Variants in LIPC observed in about 807,000 individuals in gnomAD.
LIPC encodes lipase C, hepatic type, also known as hepatic triacylglycerol lipase.
In LIPC, 44 loss-of-function variants were observed where a neutral mutation model predicts 50.7. The ratio of observed to expected loss-of-function variants is 0.87; its 90% CI spans 0.68 to 1.11. The LOEUF is 1.11. Ranked by LOEUF, LIPC falls within the 50% of genes most tolerant of loss-of-function variation. The pLI, the probability that LIPC is intolerant of heterozygous loss-of-function variation, is 0.00. For missense variants in LIPC, 697 were observed against 648.2 expected (o/e 1.08, Z -0.82); for synonymous variants, 271 against 256.4 (o/e 1.06, Z -0.54).
intron 6 of LIPC, among the ~76,000 whole-genome samples, chr15:58,548,779 G>A (rs1317071489): frequency 6.6e-6 from 1 of 152,196 alleles, no homozygotes; most frequent in Admixed American, 6.5e-5. Flanking sequence ...GGGCTAGGAG[G>A]AGAAACCTCG....
intron 1 of LIPC, among the ~76,000 whole-genome samples, chr15:58,534,279 G>A (rs189236903): frequency 2.2e-4 from 34 of 152,292 alleles, no homozygotes; most frequent in Non-Finnish European, 1.5e-4. Context: ...CTGCAGTAAA[G>A]GTATGAGGGT....
rs1349173819 is a variant in LIPC at position 58,569,772 on chromosome 15, A to T, written c.*945A>T. 2 of 156,518 alleles carry T rather than the reference A, an allele frequency of 1.3e-5. No individual in the cohort carries two copies. Among genetic ancestry groups the T allele is most frequent in the African/African-American group, 2.4e-5 (1 of 41,536 alleles). The allele number at this position is 156,518 out of a possible 1,614,324, so 9.7% of individuals were successfully genotyped here. A position where few individuals can be genotyped will look rare whatever the true frequency, so the allele number is the denominator to read the frequency against. ...CCCTCACCTGGAAGTAGACTACCAG[A>T]TCTGCTGGCACCTTTATCTTGGACT... On this transcript the variant is annotated 3_prime_UTR_variant, in exon 9 of 9. Transcript: ENST00000299022.
At chr15:58,447,533 C>G (rs1417181914) in intron 1 of LIPC, among the ~76,000 whole-genome samples, 10 of 152,194 alleles carry the variant, frequency 6.6e-5, no homozygotes, top group Non-Finnish European at 1.0e-4. Flanking sequence ...AGAAGAGGCG[C>G]ATGCATATCA....
intron 1 of LIPC, among the ~76,000 whole-genome samples, chr15:58,453,989 C>T (rs191370377): frequency 1.3e-5 from 2 of 152,320 alleles, no homozygotes; most frequent in East Asian, 3.9e-4. Context: ...TCTTCACATA[C>T]ATTATCTCAG....
chr15:58,481,631 C>T (rs1458773878), intron 1 of LIPC, among the ~76,000 whole-genome samples: 3 of 150,894 alleles, frequency 2.0e-5, no homozygotes, highest in African/African-American at 7.3e-5. Flanking sequence ...GGCGAAACCC[C>T]ATCTCTTCTA....
chr15:58,555,282 G>T (rs553171680), intron 6 of LIPC, among the ~76,000 whole-genome samples: 8 of 152,298 alleles, frequency 5.3e-5, no homozygotes, highest in African/African-American at 1.9e-4. Flanking sequence ...CCCCGGCTCA[G>T]GGGCCAGACG....
chr15:58,457,550 C>T (rs1012257047), intron 1 of LIPC, among the ~76,000 whole-genome samples: 12 of 152,228 alleles, frequency 7.9e-5, no homozygotes, highest in African/African-American at 2.9e-4. Flanking sequence ...GCCCCACATC[C>T]CCTCAGCATG....
chr15:58,567,791 A>G (rs1349952546), intron 8 of LIPC, among the ~76,000 whole-genome samples: 1 of 152,216 alleles, frequency 6.6e-6, no homozygotes, highest in Non-Finnish European at 1.5e-5. Flanking sequence ...ATGCCACTCA[A>G]TATATGTAAA....
intron 2 of LIPC, among the ~76,000 whole-genome samples, 156 bp downstream of exon 2, chr15:58,538,673 C>G (rs113900616): frequency 1.6e-4 from 24 of 152,330 alleles, no homozygotes; most frequent in African/African-American, 5.5e-4. Context: ...TGCTTCCCCA[C>G]GCATTAGCTC....
intron 4 of LIPC, among the ~76,000 whole-genome samples, chr15:58,543,791 T>C (rs1290960550): frequency 2.6e-5 from 4 of 151,942 alleles, no homozygotes; most frequent in African/African-American, 7.3e-5. Flanking sequence ...AGCTAATTTT[T>C]TTGTATTTTT....
intron 1 of LIPC, among the ~76,000 whole-genome samples, chr15:58,461,962 C>A (rs1286353552): frequency 6.8e-6 from 1 of 147,286 alleles, no homozygotes; most frequent in African/African-American, 2.5e-5. Context: ...ACAGTTCAAA[C>A]CTGCTCATGG....
intron 1 of LIPC, among the ~76,000 whole-genome samples, chr15:58,446,096 G>A (rs1236067438): frequency 1.3e-5 from 2 of 152,184 alleles, no homozygotes; most frequent in African/African-American, 4.8e-5. Context: ...TGTAAAACCA[G>A]TTGAGATAAG....
chr15:58,451,297 A>C (rs1893891948), intron 1 of LIPC, among the ~76,000 whole-genome samples: 1 of 152,226 alleles, frequency 6.6e-6, no homozygotes, highest in Admixed American at 6.5e-5. Context: ...ACTTTGGGTC[A>C]CAAGAATAAT....
chr15:58,492,988 T>C (rs1279301798), intron 1 of LIPC, among the ~76,000 whole-genome samples: 17 of 152,130 alleles, frequency 1.1e-4, no homozygotes, highest in Admixed American at 3.9e-4. Flanking sequence ...CTAAATGATA[T>C]CTCTGCTAAA....
At chr15:58,444,268 A>C (rs1226553963) in intron 1 of LIPC, among the ~76,000 whole-genome samples, 1 of 152,202 alleles carries the variant, frequency 6.6e-6, no homozygotes, top group African/African-American at 2.4e-5. Context: ...AACTGCAAGA[A>C]GGCACTCGTG....
At chr15:58,546,276 G>A (rs141119356) in intron 5 of LIPC, among the ~76,000 whole-genome samples, 1 of 152,188 alleles carries the variant, frequency 6.6e-6, no homozygotes, top group African/African-American at 2.4e-5. Context: ...CCTCTCCCGG[G>A]GTACCAGCTC....
intron 1 of LIPC, among the ~76,000 whole-genome samples, chr15:58,433,119 ATTTTTGACACATC>A (rs1337946521): frequency 3.3e-5 from 5 of 152,170 alleles, no homozygotes; most frequent in African/African-American, 1.2e-4. Flanking sequence ...TATACTAATT[ATTTTTGACACATC>A]ATCTCATTTA....
intron 1 of LIPC, among the ~76,000 whole-genome samples, chr15:58,448,881 G>A (rs1893798267): frequency 1.3e-5 from 2 of 152,152 alleles, no homozygotes; most frequent in African/African-American, 4.8e-5. Context: ...AGAGAGTGGG[G>A]GCCAGTAATC....
chr15:58,550,558 A>G (rs562717851), intron 6 of LIPC, among the ~76,000 whole-genome samples: 1 of 152,172 alleles, frequency 6.6e-6, no homozygotes, highest in East Asian at 1.9e-4. Flanking sequence ...CCAGCTACCA[A>G]AACCAACGTA....
Sources: gnomAD v4.1 joint callset for allele counts (sites outside exome capture counted in the v4.1 genomes callset) on GRCh38, gnomAD v4.1.1 for gene constraint, MANE v1.5 for transcripts, NCBI Gene and HGNC (gene_info 2026-07-23, HGNC 2026-07-21) for gene names.